Variants in RANBP2 observed in about 807,000 individuals in gnomAD.
RANBP2 encodes RAN binding protein 2, also known as E3 SUMO-protein ligase RanBP2.
Under a neutral mutation model 303.6 loss-of-function variants are expected in RANBP2, and 57 were observed. The observed-to-expected ratio is 0.19, with a 90% confidence interval of 0.15 to 0.23. The LOEUF is 0.23. RANBP2 is among the 10% of genes least tolerant of loss of function. RANBP2 has a pLI of 1.00. For synonymous variants in RANBP2, 1,167 were observed against 1,301.5 expected (o/e 0.90, Z 2.23); for missense variants, 3,138 against 3,780.8 (o/e 0.83, Z 4.46).
At chr2:109,614,105 T>C in the RANBP2 span, 5 of 1,209,214 alleles carry the variant, frequency 4.1e-6, no homozygotes, top group Non-Finnish European at 4.1e-6. Context: ...AGCGTCAGCG[T>C]TGGGGCGGGC....
At chr2:109,455,365 G>A in the RANBP2 span, among the ~76,000 whole-genome samples, 1 of 152,280 alleles carries the variant, frequency 6.6e-6, no homozygotes, top group East Asian at 1.9e-4. Flanking sequence ...GTGGATGACC[G>A]ACATAATCAA....
At chr2:109,739,009 A>T in the RANBP2 span, among the ~76,000 whole-genome samples, 1 of 147,428 alleles carries the variant, frequency 6.8e-6, no homozygotes, top group Middle Eastern at 3.6e-3. Context: ...TATTGAAGAA[A>T]CTGTTTTCTC....
chr2:109,057,656 C>T, the RANBP2 span, among the ~76,000 whole-genome samples: 10 of 152,182 alleles, frequency 6.6e-5, no homozygotes, highest in Non-Finnish European at 1.3e-4. Context: ...TCTGAGCCTC[C>T]GATTAGCTGT....
At chr2:108,805,109 A>T in the RANBP2 span, 15 of 530,830 alleles carry the variant, frequency 2.8e-5, no homozygotes, top group Middle Eastern at 5.5e-4. Context: ...TCAGCTAGAG[A>T]AAATTTGGAT....
chr2:108,719,993 A>G (rs1338359252), intron 1 of RANBP2: 1 of 979,730 alleles, frequency 1.0e-6, no homozygotes, highest in African/African-American at 1.8e-5. Flanking sequence ...ACCCCGTAGT[A>G]CCCGCGCGGC....
the RANBP2 span, chr2:108,873,487 C>CTT: frequency 2.5e-6 from 4 of 1,607,190 alleles, no homozygotes. Flanking sequence ...TGTAGCAACT[C>CTT]TTTATTTTTT....
At chr2:109,644,204 G>A in the RANBP2 span, among the ~76,000 whole-genome samples, 1 of 151,962 alleles carries the variant, frequency 6.6e-6, no homozygotes, top group Non-Finnish European at 1.5e-5. Flanking sequence ...CTACTCCGGA[G>A]GCCGAGGCAG....
chr2:109,455,749 A>G, the RANBP2 span, among the ~76,000 whole-genome samples: 1 of 152,182 alleles, frequency 6.6e-6, no homozygotes, highest in Non-Finnish European at 1.5e-5. Flanking sequence ...TTCTGTCGAC[A>G]GGCAGCCGGG....
At chr2:109,071,370 C>G in the RANBP2 span, among the ~76,000 whole-genome samples, 11 of 152,082 alleles carry the variant, frequency 7.2e-5, no homozygotes, top group Admixed American at 7.2e-4. Flanking sequence ...AATTTAGATA[C>G]CCATTAGACA....
the RANBP2 span, among the ~76,000 whole-genome samples, chr2:109,058,182 A>C: frequency 6.6e-6 from 1 of 152,158 alleles, no homozygotes; most frequent in South Asian, 2.1e-4. Flanking sequence ...CCCCATCTGC[A>C]TGCAGGTTGA....
At chr2:109,253,210 T>A in the RANBP2 span, among the ~76,000 whole-genome samples, 1 of 152,076 alleles carries the variant, frequency 6.6e-6, no homozygotes, top group African/African-American at 2.4e-5. Flanking sequence ...GTATTTTTAG[T>A]AGAGATGGGG....
At chr2:109,492,217 C>G in the RANBP2 span, among the ~76,000 whole-genome samples, 1 of 152,204 alleles carries the variant, frequency 6.6e-6, no homozygotes, top group African/African-American at 2.4e-5. Flanking sequence ...AAATAGTCTT[C>G]TGATTTCTTT....
the RANBP2 span, chr2:109,419,507 C>T: frequency 6.4e-7 from 1 of 1,558,986 alleles, no homozygotes; most frequent in South Asian, 1.2e-5. Context: ...GTCTCTGTCT[C>T]CTCACTCCTG....
At chr2:108,790,858 C>T in the RANBP2 span, among the ~76,000 whole-genome samples, 2 of 152,020 alleles carry the variant, frequency 1.3e-5, no homozygotes, top group African/African-American at 4.8e-5. Flanking sequence ...CTCAAACGAT[C>T]CTCTCACCTC....
chr2:109,060,548 T>C, the RANBP2 span, among the ~76,000 whole-genome samples: 10 of 152,216 alleles, frequency 6.6e-5, no homozygotes, highest in African/African-American at 2.2e-4. Context: ...TTAAGAACCT[T>C]GTGAATAGAT....
the RANBP2 span, among the ~76,000 whole-genome samples, chr2:109,288,178 A>G: frequency 6.6e-6 from 1 of 152,248 alleles, no homozygotes; most frequent in Non-Finnish European, 1.5e-5. Flanking sequence ...CTTAGATGCG[A>G]TGTGTTTGCA....
chr2:109,404,383 G>A, the RANBP2 span, among the ~76,000 whole-genome samples: 2 of 152,204 alleles, frequency 1.3e-5, no homozygotes, highest in East Asian at 3.9e-4. Flanking sequence ...ATGCAGAACA[G>A]GCCAGCGCCT....
the RANBP2 span, among the ~76,000 whole-genome samples, chr2:109,596,308 T>G: frequency 2.0e-5 from 3 of 152,158 alleles, no homozygotes; most frequent in Admixed American, 2.0e-4. Flanking sequence ...AAGTAAAATT[T>G]GCTTAGAAAA....
the RANBP2 span, among the ~76,000 whole-genome samples, chr2:108,920,479 C>A: frequency 1.3e-5 from 2 of 152,228 alleles, no homozygotes; most frequent in African/African-American, 2.4e-5. Context: ...ACCCCAAGTA[C>A]ATCTTGCTCT....
Sources: allele counts gnomAD v4.1 joint callset (sites outside exome capture counted in the v4.1 genomes callset), GRCh38; gene constraint gnomAD v4.1.1; transcripts MANE v1.5; gene names NCBI Gene and HGNC (gene_info 2026-07-23, HGNC 2026-07-21).